TMEM64: variants seen among roughly 807,000 people sequenced by gnomAD.
The protein encoded by TMEM64 is transmembrane protein 64.
Under a neutral mutation model 24.5 loss-of-function variants are expected in TMEM64, and 19 were observed. The ratio of observed to expected loss-of-function variants is 0.78; its 90% CI spans 0.54 to 1.14. The LOEUF (loss-of-function observed/expected upper bound fraction) is 1.14, where lower values mean the gene tolerates loss of function less well. Among genes scored for constraint, TMEM64 ranks in the 50% most tolerant of loss-of-function variants. The probability of loss-of-function intolerance (pLI) is 0.00; values close to 1 mark genes in which losing one functional copy is unlikely to be tolerated. For missense variants in TMEM64, 487 were observed against 493.0 expected (o/e 0.99, Z 0.12); for synonymous variants, 262 against 224.7 (o/e 1.17, Z -1.49).
At chr8:90,644,538 T>C (rs1809657429) in intron 1 of TMEM64, among the ~76,000 whole-genome samples, 1 of 152,244 alleles carries the variant, frequency 6.6e-6, no homozygotes, top group African/African-American at 2.4e-5. Flanking sequence ...ATGAAGTTCC[T>C]CCAAAGAAAG....
intron 1 of TMEM64, among the ~76,000 whole-genome samples, chr8:90,639,022 G>T (rs16905041): frequency 0.46 from 69,384 of 151,266 alleles, 16,949 homozygotes; most frequent in East Asian, 0.72. Context: ...TCCAGAAACC[G>T]CCATGGTGAA....
rs1395373279 is a variant in TMEM64 at position 90,645,708 on chromosome 8, G to A, written c.198C>T (p.Leu66=). 9.6e-6 allele frequency: 12 copies of A among 1,250,228 alleles called. No individual in the cohort carries two copies. Among genetic ancestry groups the A allele is most frequent in the Middle Eastern group, 3.1e-4 (1 of 3,274 alleles). The allele number at this position is 1,250,228 out of a possible 1,614,324, so 77.4% of individuals were successfully genotyped here. A position where few individuals can be genotyped will look rare whatever the true frequency, so the allele number is the denominator to read the frequency against. ...GACCGTGGCGCTCCAGATAGGCGCC[G>A]AGCAGGGCGCCCGAGGCCGCCGCTG... ...AAAAAASGAL[L]GAYLERHGPP... The change falls in exon 1 of 3, where the codon CTC becomes CTT. Residue 66 remains leucine, a synonymous_variant. Transcript: ENST00000458549. The surrounding 1 kb of genome is among the most constrained non-coding windows in gnomAD (Gnocchi z 4.2).
Position 90,645,012 on chromosome 8 carries a change from CT to C in TMEM64, c.795+98del. On this transcript the variant is annotated intron_variant, in intron 1 of 2. Coordinates refer to ENST00000458549, the MANE Select transcript of TMEM64 (RefSeq NM_001008495.4). The surrounding 1 kb of genome is among the most constrained non-coding windows in gnomAD (Gnocchi z 4.2). ...GTAACTCCTGCCGTCAATGTCACTT[CT>C]CTGCTGGTATTTATCTGATAGAGCG... 2 of 1,305,994 alleles carry C rather than the reference CT, an allele frequency of 1.5e-6. No homozygotes were observed. Among genetic ancestry groups the C allele is most frequent in the South Asian group, 2.8e-5 (2 of 70,790 alleles). The allele number at this position is 1,305,994 out of a possible 1,614,324, so 80.9% of individuals were successfully genotyped here. A position where few individuals can be genotyped will look rare whatever the true frequency, so the allele number is the denominator to read the frequency against.
intron 1 of TMEM64, among the ~76,000 whole-genome samples, chr8:90,638,936 C>T (rs529330324): frequency 2.0e-4 from 30 of 152,234 alleles, no homozygotes; most frequent in Admixed American, 3.9e-4. Flanking sequence ...CACGGCTACA[C>T]CTCCAGCATT....
In TMEM64 at chr8:90,645,804, C is replaced by T. The variant is rs1809692225; in HGVS notation, c.102G>A (p.Pro34=). 6 of 1,029,272 alleles carry T rather than the reference C, an allele frequency of 5.8e-6. No individual in the cohort carries two copies. In the South Asian group the frequency reaches 1.8e-4, roughly 30 times the overall value. 63.8% of individuals were successfully genotyped at this position (1,029,272 alleles called of 1,614,324 possible). Reference sequence around the variant, plus strand: ...CCGGGCCGTCCCCGCCCGCACCCCGCGGCAGGGCCCAGCGGGCCGGCAGCT... The same window carrying T: ...CCGGGCCGTCCCCGCCCGCACCCCGTGGCAGGGCCCAGCGGGCCGGCAGCT... ...LAELPARWAL[P]RGAGGDGPAD... Residue 34 remains proline, a synonymous_variant, in exon 1 of 3, where the codon CCG becomes CCA. Transcript: ENST00000458549. The surrounding 1 kb of genome is among the most constrained non-coding windows in gnomAD (Gnocchi z 4.2).
intron 1 of TMEM64, among the ~76,000 whole-genome samples, chr8:90,642,484 T>G (rs946254480): frequency 1.3e-5 from 2 of 151,782 alleles, no homozygotes; most frequent in Non-Finnish European, 1.5e-5. Context: ...GAAATATGCC[T>G]AGAAAAGGGG....
chr8:90,633,529 T>G (rs1234146093), intron 1 of TMEM64, among the ~76,000 whole-genome samples: 1 of 152,220 alleles, frequency 6.6e-6, no homozygotes, highest in East Asian at 1.9e-4. Context: ...CAGCAATACA[T>G]GACACACGTA....
chr8:90,632,529 A>G (rs28557468), intron 1 of TMEM64, among the ~76,000 whole-genome samples: 5,599 of 152,168 alleles, frequency 0.037, 292 homozygotes, highest in African/African-American at 0.13. Context: ...TCACCATATT[A>G]GCCAGGATGG....
rs551929500 is a variant in TMEM64 at position 90,625,618 on chromosome 8, G to C, written c.*53C>G. The C allele has an allele frequency of 2.9e-5, 43 of 1,465,562 alleles. 1 individual carries two copies. In the South Asian group the frequency reaches 5.3e-4, roughly 18 times the overall value. 90.8% of individuals were successfully genotyped at this position (1,465,562 alleles called of 1,614,324 possible). A position where few individuals can be genotyped will look rare whatever the true frequency, so the allele number is the denominator to read the frequency against. On this transcript the variant is annotated 3_prime_UTR_variant, in exon 3 of 3. Coordinates refer to ENST00000458549, the MANE Select transcript of TMEM64 (RefSeq NM_001008495.4). Reference sequence around the variant, plus strand: ...GTCTCTGCCCACTAGTGAAGTGACTGCTAGACCTTAGATAGCACACTAGGC... The same window carrying C: ...GTCTCTGCCCACTAGTGAAGTGACTCCTAGACCTTAGATAGCACACTAGGC...
chr8:90,645,586 C>A lies in TMEM64; in HGVS notation c.320G>T (p.Arg107Ile). Residue 107 changes from arginine (R) to isoleucine (I), a missense_variant, in exon 1 of 3, where the codon AGA (arginine) becomes ATA (isoleucine). Transcript: ENST00000458549. This position sits in a 1 kb window ranked among gnomAD's most constrained non-coding sequence, Gnocchi z 4.2. ...GGVVVGVAEV[R>I]NWRCCCLGST... ...GCCGAGGCAGCAGCAGCGCCAGTTTCTCACCTCAGCCACGCCGACCACCAC... is the reference window on the plus strand; with the variant it reads ...GCCGAGGCAGCAGCAGCGCCAGTTTATCACCTCAGCCACGCCGACCACCAC... 6.5e-7 allele frequency: 1 copy of A among 1,541,200 alleles called. No homozygotes were observed.
Position 90,625,480 on chromosome 8 carries a change from T to G in TMEM64, c.*191A>C. 1 of 507,048 alleles carries G rather than the reference T, an allele frequency of 2.0e-6. No homozygotes were observed. Among genetic ancestry groups the G allele is most frequent in the Admixed American group, 3.3e-5 (1 of 30,008 alleles). The allele number at this position is 507,048 out of a possible 1,614,324, so 31.4% of individuals were successfully genotyped here. On this transcript the variant is annotated 3_prime_UTR_variant, in exon 3 of 3. Transcript: ENST00000458549. ...CATGATAAAGAGGTGCAGCCAAATTTGCATCTACATTTACACTTACATACC... is the reference window on the plus strand; with the variant it reads ...CATGATAAAGAGGTGCAGCCAAATTGGCATCTACATTTACACTTACATACC...
intron 1 of TMEM64, among the ~76,000 whole-genome samples, chr8:90,636,341 C>T (rs1189050383): frequency 1.3e-5 from 2 of 152,062 alleles, no homozygotes; most frequent in African/African-American, 4.8e-5. Context: ...CTGCAACCTC[C>T]GCCTCCCAGG....
chr8:90,639,366 C>T (rs1355422006), intron 1 of TMEM64, among the ~76,000 whole-genome samples: 1 of 152,144 alleles, frequency 6.6e-6, no homozygotes, highest in Non-Finnish European at 1.5e-5. Flanking sequence ...GTGTAACCCC[C>T]CTTCCACCCT....
At chr8:90,641,621 C>T (rs962119410) in intron 1 of TMEM64, among the ~76,000 whole-genome samples, 1 of 152,282 alleles carries the variant, frequency 6.6e-6, no homozygotes, top group East Asian at 1.9e-4. Context: ...AAGTTAATGA[C>T]TCTAAACATT....
At chr8:90,643,466 A>C (rs562641806) in intron 1 of TMEM64, among the ~76,000 whole-genome samples, 48 of 152,174 alleles carry the variant, frequency 3.2e-4, no homozygotes, top group Non-Finnish European at 5.9e-4. Context: ...GGATTTCACA[A>C]CACCAGCCCT....
rs1438898452 is a variant in TMEM64, at chr8:90,624,140, C to G, written c.*1531G>C. The G allele has an allele frequency of 6.6e-6, 1 of 151,920 alleles. No homozygotes were observed. The allele number at this position is 151,920 out of a possible 1,614,324, so 9.4% of individuals were successfully genotyped here. ...TTACTGTTACTCAAAGGTGAGAAAACTTACCCATTATAAAGGAAAGGAAAA... is the reference window on the plus strand; with the variant it reads ...TTACTGTTACTCAAAGGTGAGAAAAGTTACCCATTATAAAGGAAAGGAAAA... On this transcript the variant is annotated 3_prime_UTR_variant, in exon 3 of 3. Coordinates refer to ENST00000458549, the MANE Select transcript of TMEM64 (RefSeq NM_001008495.4).
chr8:90,635,598 A>G (rs1809507635), intron 1 of TMEM64, among the ~76,000 whole-genome samples: 1 of 152,084 alleles, frequency 6.6e-6, no homozygotes, highest in African/African-American at 2.4e-5. Flanking sequence ...GAAGGAGCCT[A>G]TACTCAGAGG....
rs545840918 is a variant in TMEM64, at chr8:90,645,934, G to A, written c.-29C>T. On this transcript the variant is annotated 5_prime_UTR_variant, in exon 1 of 3. Coordinates refer to ENST00000458549, the MANE Select transcript of TMEM64 (RefSeq NM_001008495.4). The surrounding 1 kb of genome is among the most constrained non-coding windows in gnomAD (Gnocchi z 4.2). ...TCGGCCCAGCGCGGGCCCTCAGCCG[G>A]CCAGCCCCTCCGCCGCGGCGCCCGT... The A allele has an allele frequency of 2.9e-4, 321 of 1,121,838 alleles. 8 individuals carry two copies. In the Admixed American group the frequency reaches 0.014, roughly 48 times the overall value. The allele number at this position is 1,121,838 out of a possible 1,614,324, so 69.5% of individuals were successfully genotyped here. A position where few individuals can be genotyped will look rare whatever the true frequency, so the allele number is the denominator to read the frequency against.
intron 1 of TMEM64, among the ~76,000 whole-genome samples, chr8:90,639,113 GAA>G (rs111564369): frequency 5.2e-5 from 7 of 135,210 alleles, no homozygotes; most frequent in African/African-American, 8.1e-5. Flanking sequence ...GCTACTGGAG[GAA>G]AAAAAAAAAA....
Sources: allele counts gnomAD v4.1 joint callset (sites outside exome capture counted in the v4.1 genomes callset), GRCh38; gene constraint gnomAD v4.1.1; non-coding constraint Gnocchi (gnomAD v3.1); transcripts MANE v1.5; gene names NCBI Gene and HGNC (gene_info 2026-07-23, HGNC 2026-07-21).